Variants in CCDC77 observed in about 807,000 individuals in gnomAD.
The protein encoded by CCDC77 is coiled-coil domain-containing protein 77.
Under a neutral mutation model 66.8 loss-of-function variants are expected in CCDC77, and 56 were observed. The ratio of observed to expected loss-of-function variants is 0.84; its 90% CI spans 0.68 to 1.05. The LOEUF (loss-of-function observed/expected upper bound fraction) is 1.05. Among genes scored for constraint, CCDC77 ranks in the 50% least tolerant of loss-of-function variants. CCDC77 has a pLI of 0.00. For synonymous variants in CCDC77, 196 were observed against 195.2 expected, an observed-to-expected ratio of 1.00 and a Z score of -0.03; for missense variants, 570 against 576.8, an observed-to-expected ratio of 0.99 and a Z score of 0.12.
chr12:395,459 C>T (rs905687393), intron 1 of CCDC77, among the ~76,000 whole-genome samples: 1 of 151,978 alleles, frequency 6.6e-6, no homozygotes, highest in Admixed American at 6.6e-5. Flanking sequence ...AATATCCAAT[C>T]AGGAGGGATT....
intron 3 of CCDC77, among the ~76,000 whole-genome samples, chr12:410,851 T>C (rs1945094373): frequency 6.6e-6 from 1 of 152,220 alleles, no homozygotes; most frequent in South Asian, 2.1e-4. Flanking sequence ...CGGCCTGCAA[T>C]ATGTCTTATG....
At chr12:399,174 TA>T (rs1328617621), upstream of CCDC77, among the ~76,000 whole-genome samples, 1 of 146,284 alleles carries the variant, frequency 6.8e-6, no homozygotes, top group East Asian at 1.9e-4. Context: ...CCTTATGAAA[TA>T]TTTTTTTTTT....
intron 4 of CCDC77, among the ~76,000 whole-genome samples, chr12:416,334 GGTGTGTGGGGGTGTGTGTGTGTGTGTGT>G (rs1351163456): frequency 7.9e-5 from 4 of 50,784 alleles, no homozygotes; most frequent in East Asian, 9.1e-4. Context: ...TGAGTCTGTG[GGTGTGTGGGGGTGTGTGTGTGTGTGTGT>G]GTGTGTGTGT....
chr12:417,996 C>T (rs989033916), intron 4 of CCDC77, among the ~76,000 whole-genome samples: 1 of 152,122 alleles, frequency 6.6e-6, no homozygotes, highest in Non-Finnish European at 1.5e-5. Flanking sequence ...ATGTTAAATG[C>T]AAACTTCACA....
intron 5 of CCDC77, among the ~76,000 whole-genome samples, chr12:419,721 A>T (rs12824890): frequency 0.23 from 625 of 2,684 alleles, 46 homozygotes; most frequent in South Asian, 0.34. Flanking sequence ...ATTACAGTGC[A>T]CTTCTGTGTG....
rs1158311508 is a variant in CCDC77 at position 428,767 on chromosome 12, A to G, written c.414-2A>G. On this transcript the variant is annotated splice_acceptor_variant, in intron 5 of 12. Coordinates refer to ENST00000239830, the MANE Select transcript of CCDC77 (RefSeq NM_032358.4). LOFTEE classifies it high-confidence loss of function. ...TGTGCTTGCTTTCCATGAGAATTGCAGGGAGCTAGAAGACAAGAAAAAGAT... is the reference window on the plus strand; with the variant it reads ...TGTGCTTGCTTTCCATGAGAATTGCGGGGAGCTAGAAGACAAGAAAAAGAT... The G allele has an allele frequency of 6.3e-7, 1 of 1,596,962 alleles. No individual in the cohort carries two copies. The highest frequency in any genetic ancestry group is 8.5e-7 in the Non-Finnish European group (1 of 1,170,154).
intron 2 of CCDC77, among the ~76,000 whole-genome samples, chr12:405,916 CT>C (rs34597637): frequency 0.69 from 92,666 of 134,008 alleles, 32,132 homozygotes; most frequent in Admixed American, 0.78. Context: ...AAGTGTTCAA[CT>C]TTTTTTTTTT....
At chr12:410,350 G>A (rs530363488) in intron 3 of CCDC77, among the ~76,000 whole-genome samples, 1 of 151,496 alleles carries the variant, frequency 6.6e-6, no homozygotes, top group African/African-American at 2.4e-5. Flanking sequence ...TCACCGCAAC[G>A]TCTGCCTCCC....
chr12:406,385 G>A (rs1314004551), intron 2 of CCDC77, among the ~76,000 whole-genome samples: 1 of 152,188 alleles, frequency 6.6e-6, no homozygotes, highest in African/African-American at 2.4e-5. Flanking sequence ...TAGGTACGGG[G>A]ACTCTGAAGT....
intron 3 of CCDC77, among the ~76,000 whole-genome samples, chr12:411,475 C>T (rs1026608380): frequency 1.3e-5 from 2 of 151,698 alleles, no homozygotes; most frequent in African/African-American, 2.4e-5. Context: ...CCACCACGCC[C>T]GGCCAAGATT....
chr12:426,199 C>T (rs976336757), intron 5 of CCDC77, among the ~76,000 whole-genome samples: 5 of 152,194 alleles, frequency 3.3e-5, no homozygotes, highest in East Asian at 1.9e-4. Context: ...AAAGTAAAAG[C>T]GTTAACATGG....
chr12:432,001 G>A (rs372815685), intron 8 of CCDC77, 47 bp downstream of exon 8: 28 of 1,126,772 alleles, frequency 2.5e-5, no homozygotes, highest in Non-Finnish European at 1.3e-6. Flanking sequence ...ATCCACAGGT[G>A]CAGCTCTATG....
intron 9 of CCDC77, among the ~76,000 whole-genome samples, chr12:434,240 C>G (rs2137611501): frequency 6.6e-6 from 1 of 152,192 alleles, no homozygotes; most frequent in South Asian, 2.1e-4. Flanking sequence ...GTTTTTGTTC[C>G]TAACCTGCTT....
At position 431,865 on chromosome 12, in the gene CCDC77, G is replaced by C. The variant is rs765139484; in HGVS notation, c.584-1G>C. The C allele has an allele frequency of 6.3e-7, 1 of 1,591,124 alleles. No individual in the cohort carries two copies. Among genetic ancestry groups the C allele is most frequent in the South Asian group, 1.1e-5 (1 of 90,082 alleles). Reference sequence around the variant, plus strand: ...TTGATGGATTTTGTTTTCTATTTTAGATCCTAAAATAAGCAAAAGAAGACC... The same window carrying C: ...TTGATGGATTTTGTTTTCTATTTTACATCCTAAAATAAGCAAAAGAAGACC... On this transcript the variant is annotated splice_acceptor_variant, in intron 7 of 12. Coordinates refer to ENST00000239830, the MANE Select transcript of CCDC77 (RefSeq NM_032358.4). LOFTEE classifies it high-confidence loss of function.
intron 1 of CCDC77, among the ~76,000 whole-genome samples, chr12:405,066 T>C (rs769586164): frequency 2.0e-5 from 3 of 152,208 alleles, no homozygotes; most frequent in Non-Finnish European, 4.4e-5. Flanking sequence ...GAAATTTAAC[T>C]TTAAGTTGTC....
At position 411,707 on chromosome 12, in the gene CCDC77, C is replaced by T. The variant is rs140519509; in HGVS notation, c.39-40C>T. ...TAGGAAGTTATAACTCATAAACTTT[C>T]GCAGAGTGTGATGAATATATCATTT... On this transcript the variant is annotated intron_variant, in intron 3 of 12. Coordinates refer to ENST00000239830, the MANE Select transcript of CCDC77 (RefSeq NM_032358.4). The T allele has an allele frequency of 3.0e-4, 449 of 1,508,842 alleles. 1 individual carries two copies. The African/African-American group carries it at 4.2e-3, about 14-fold the overall frequency. The allele number at this position is 1,508,842 out of a possible 1,614,324, so 93.5% of individuals were successfully genotyped here. A position where few individuals can be genotyped will look rare whatever the true frequency, so the allele number is the denominator to read the frequency against.
rs1426892581 is a variant in CCDC77 at position 392,815 on chromosome 12, T to C, written c.-113+3329T>C. 3.3e-5 allele frequency among the ~76,000 whole-genome samples: 5 copies of C among 152,116 alleles called. No individual in the cohort carries two copies. The East Asian group carries it at 9.6e-4, about 29-fold the overall frequency. On this transcript the variant is annotated intron_variant, in intron 1 of 11. Transcript: ENST00000422000. ...GCATAATACATATTGATGTTTACTATATTAGAAATTAAACCTAAGATGTTT... is the reference window on the plus strand; with the variant it reads ...GCATAATACATATTGATGTTTACTACATTAGAAATTAAACCTAAGATGTTT...
At chr12:428,666 C>T in intron 5 of CCDC77, 103 bp from the exon 6 acceptor site, 5 of 606,456 alleles carry the variant, frequency 8.2e-6, no homozygotes, top group Middle Eastern at 4.3e-4. Context: ...TTTGGGGTTA[C>T]AATTGTTTTA....
intron 5 of CCDC77, among the ~76,000 whole-genome samples, chr12:423,470 G>GTGTTT (rs1565572116): frequency 2.5e-4 from 11 of 44,874 alleles, no homozygotes; most frequent in Admixed American, 1.6e-3. Context: ...TGTTTTTTGT[G>GTGTTT]TTTTTTGTGT....
Sources: gnomAD v4.1 joint callset for allele counts (sites outside exome capture counted in the v4.1 genomes callset) on GRCh38, gnomAD v4.1.1 for gene constraint, MANE v1.5 for transcripts, NCBI Gene and HGNC (gene_info 2026-07-23, HGNC 2026-07-21) for gene names.